Variants in SAMD5 observed in about 807,000 individuals in gnomAD.
The protein encoded by SAMD5 is sterile alpha motif domain-containing protein 5.
Under a neutral mutation model 11.3 loss-of-function variants are expected in SAMD5, and 13 were observed. The observed-to-expected ratio is 1.15, with a 90% CI of 0.75 to 1.83. SAMD5 has a LOEUF of 1.83. Among genes scored for constraint, SAMD5 ranks in the 40% most tolerant of loss-of-function variants. The pLI, the probability that SAMD5 is intolerant of heterozygous loss-of-function variation, is 0.00. For synonymous variants in SAMD5, 129 were observed against 111.3 expected, an observed-to-expected ratio of 1.16 and a Z score of -1.00; for missense variants, 255 against 239.1, an observed-to-expected ratio of 1.07 and a Z score of -0.44.
At chr6:147,663,951 TAACAG>T (rs1183041383) in intron 1 of SAMD5, among the ~76,000 whole-genome samples, 1 of 151,766 alleles carries the variant, frequency 6.6e-6, no homozygotes, top group Non-Finnish European at 1.5e-5. Flanking sequence ...TGAAAATTTG[TAACAG>T]AACGTCACAT....
intron 1 of SAMD5, among the ~76,000 whole-genome samples, chr6:147,537,513 G>A (rs373095260): frequency 5.3e-4 from 81 of 152,246 alleles, no homozygotes; most frequent in African/African-American, 1.8e-3. Context: ...AGCACTTTGG[G>A]AGGCCGAGGC....
At chr6:147,881,128 A>T in the SAMD5 span, among the ~76,000 whole-genome samples, 1 of 152,316 alleles carries the variant, frequency 6.6e-6, no homozygotes, top group East Asian at 1.9e-4. Context: ...TCAACCCAGC[A>T]GTGGCCCTGA....
At chr6:147,864,872 G>C in the SAMD5 span, among the ~76,000 whole-genome samples, 2 of 152,102 alleles carry the variant, frequency 1.3e-5, no homozygotes, top group African/African-American at 4.8e-5. Flanking sequence ...CCCTACAGCT[G>C]GTAGTGTATA....
chr6:147,642,408 T>C (rs844582), intron 1 of SAMD5, among the ~76,000 whole-genome samples: 131,384 of 151,970 alleles, frequency 0.86, 57,281 homozygotes, highest in East Asian at 1. Context: ...GAGAGTTGTA[T>C]GAGATGATCC....
chr6:147,511,817 AT>A (rs1333501589), intron 1 of SAMD5, among the ~76,000 whole-genome samples: 2 of 152,150 alleles, frequency 1.3e-5, no homozygotes, highest in Non-Finnish European at 2.9e-5. Flanking sequence ...TAAGTTTTGG[AT>A]TTTAAATTAT....
At chr6:147,855,849 T>C in the SAMD5 span, among the ~76,000 whole-genome samples, 120 of 152,290 alleles carry the variant, frequency 7.9e-4, no homozygotes, top group East Asian at 0.01. Flanking sequence ...TACCACCACT[T>C]TGGAAAATCC....
chr6:147,597,995 T>C (rs1043410758), intron 1 of SAMD5, among the ~76,000 whole-genome samples: 3 of 152,198 alleles, frequency 2.0e-5, no homozygotes, highest in Non-Finnish European at 4.4e-5. Context: ...GGTGCCATGC[T>C]ACTTTGACTG....
chr6:147,663,840 T>C (rs1160213443), intron 1 of SAMD5, among the ~76,000 whole-genome samples: 2 of 148,304 alleles, frequency 1.3e-5, no homozygotes, highest in African/African-American at 4.9e-5. Flanking sequence ...CCTTATCATC[T>C]GATTAAAAAA....
intron 1 of SAMD5, among the ~76,000 whole-genome samples, chr6:147,673,713 AG>A (rs1790827298): frequency 6.6e-6 from 1 of 152,216 alleles, no homozygotes; most frequent in Non-Finnish European, 1.5e-5. Context: ...TATAATTAAA[AG>A]AAAAAATTAA....
At chr6:147,607,739 T>G (rs1789724087) in intron 1 of SAMD5, among the ~76,000 whole-genome samples, 1 of 152,178 alleles carries the variant, frequency 6.6e-6, no homozygotes, top group Admixed American at 6.5e-5. Context: ...GGGCAAAGAT[T>G]TCTTGAGCAA....
rs1789835316 is a variant in SAMD5, at chr6:147,614,399, G to A, written c.162+105012G>A. 2.0e-5 allele frequency among the ~76,000 whole-genome samples: 3 copies of A among 151,702 alleles called. No homozygotes were observed. The South Asian group carries it at 6.2e-4, about 31-fold the overall frequency. On this transcript the variant is annotated intron_variant, in intron 1 of 1. Coordinates refer to the SAMD5 transcript ENST00000566741. ...CAGGAGAATCAGTTGAACCTGGGAGGCGGAGGTTGCAGTGAGCTGAGATTG... is the reference window on the plus strand; with the variant it reads ...CAGGAGAATCAGTTGAACCTGGGAGACGGAGGTTGCAGTGAGCTGAGATTG...
intron 1 of SAMD5, among the ~76,000 whole-genome samples, chr6:147,518,100 G>C (rs1173344312): frequency 6.6e-6 from 1 of 152,132 alleles, no homozygotes; most frequent in Non-Finnish European, 1.5e-5. Context: ...TAGTGTAAAG[G>C]TGTCTGTGGC....
intron 1 of SAMD5, among the ~76,000 whole-genome samples, chr6:147,663,175 C>T (rs538374511): frequency 2.6e-5 from 4 of 152,250 alleles, no homozygotes; most frequent in East Asian, 1.9e-4. Flanking sequence ...CACTGTTCAT[C>T]GGCATCTGGA....
chr6:147,571,337 C>T (rs1789136189), downstream of SAMD5, among the ~76,000 whole-genome samples: 1 of 152,148 alleles, frequency 6.6e-6, no homozygotes, highest in Non-Finnish European at 1.5e-5. Context: ...CGTAAGTCAG[C>T]TTTGAAAACA....
intron 1 of SAMD5, among the ~76,000 whole-genome samples, chr6:147,680,773 G>GTTTTTC (rs1790929665): frequency 6.6e-6 from 1 of 152,066 alleles, no homozygotes; most frequent in Non-Finnish European, 1.5e-5. Flanking sequence ...TGGTCATATG[G>GTTTTTC]TTTTTCTTTC....
chr6:147,570,798 A>C (rs1789125073), downstream of SAMD5, among the ~76,000 whole-genome samples: 1 of 152,198 alleles, frequency 6.6e-6, no homozygotes, highest in African/African-American at 2.4e-5. Flanking sequence ...AAGGACCTTA[A>C]GGATAACCTA....
chr6:147,664,824 A>G lies in SAMD5; in HGVS notation c.163-72493A>G, dbSNP rs1270363502. ...GAAAAAAAAATTCTAAAACATACAA[A>G]TGGTAAAATAGCACCAAGCAAGCAT... On this transcript the variant is annotated intron_variant, in intron 1 of 1. Transcript: ENST00000566741. Among the ~76,000 whole-genome samples, 6 of 152,190 alleles carry G rather than the reference A, an allele frequency of 3.9e-5. No homozygotes were observed. In the East Asian group the frequency reaches 7.7e-4, roughly 20 times the overall value.
intron 1 of SAMD5, among the ~76,000 whole-genome samples, chr6:147,522,663 C>G (rs1389512256): frequency 6.6e-6 from 1 of 152,186 alleles, no homozygotes; most frequent in Non-Finnish European, 1.5e-5. Context: ...TCTTTTCTTT[C>G]ATGAAAAATG....
intron 1 of SAMD5, among the ~76,000 whole-genome samples, chr6:147,725,091 T>C (rs1270622935): frequency 2.0e-5 from 3 of 152,220 alleles, no homozygotes; most frequent in African/African-American, 7.2e-5. Flanking sequence ...GTAAATGATT[T>C]CCAAGTTTTT....
Sources: gnomAD v4.1 joint callset for allele counts (sites outside exome capture counted in the v4.1 genomes callset) on GRCh38, gnomAD v4.1.1 for gene constraint, MANE v1.5 for transcripts, NCBI Gene and HGNC (gene_info 2026-07-23, HGNC 2026-07-21) for gene names.